FOXP1: variants seen among roughly 807,000 people sequenced by gnomAD.
FOXP1 encodes the protein forkhead box protein P1.
Under a neutral mutation model 98.2 loss-of-function variants are expected in FOXP1, and 15 were observed. That is an observed-to-expected ratio of 0.15 (90% CI 0.10 to 0.24). The LOEUF (loss-of-function observed/expected upper bound fraction) is 0.24. FOXP1 is among the 10% of genes least tolerant of loss of function. The probability of loss-of-function intolerance (pLI) is 1.00; values close to 1 mark genes in which losing one functional copy is unlikely to be tolerated. For synonymous variants in FOXP1, 371 were observed against 314.5 expected (o/e 1.18, Z -1.90); for missense variants, 633 against 848.5 (o/e 0.75, Z 3.15).
In FOXP1 at chr3:71,336,508, TG is replaced by T. The variant is rs1005584612; in HGVS notation, c.-73+22641del. ...GTTCGATAAAAACATGAAAATTTAA[TG>T]GTTACTTTCAGAAAAGGAGAGCGAG... On this transcript the variant is annotated intron_variant, in intron 4 of 20. Coordinates refer to ENST00000649528, the MANE Select transcript of FOXP1 (RefSeq NM_001349338.3). 6.7e-4 allele frequency among the ~76,000 whole-genome samples: 102 copies of T among 152,236 alleles called. 1 individual carries two copies. Among genetic ancestry groups the T allele is most frequent in the Middle Eastern group, 3.4e-3 (1 of 294 alleles).
At chr3:71,466,954 G>A (rs34956723) in intron 3 of FOXP1, among the ~76,000 whole-genome samples, 53,035 of 152,024 alleles carry the variant, frequency 0.35, 9,702 homozygotes, top group Non-Finnish European at 0.38. Flanking sequence ...TAGCTTCAAT[G>A]GGAAAACTCA....
chr3:71,016,968 C>T (rs2044589166), intron 11 of FOXP1, among the ~76,000 whole-genome samples: 1 of 151,314 alleles, frequency 6.6e-6, no homozygotes, highest in Non-Finnish European at 1.5e-5. Context: ...AAGATAATAA[C>T]AAGCTATTTT....
chr3:71,275,423 T>A (rs1237876768), intron 5 of FOXP1, among the ~76,000 whole-genome samples: 1 of 152,224 alleles, frequency 6.6e-6, no homozygotes, highest in African/African-American at 2.4e-5. Flanking sequence ...TAACAGTCGC[T>A]TTTCCTTACT....
chr3:71,218,949 T>C (rs1184992047), intron 5 of FOXP1, among the ~76,000 whole-genome samples: 1 of 152,224 alleles, frequency 6.6e-6, no homozygotes, highest in Non-Finnish European at 1.5e-5. Flanking sequence ...TCCACTTTGA[T>C]GTCCTAAAAG....
At chr3:71,529,597 G>A (rs533785261) in intron 2 of FOXP1, among the ~76,000 whole-genome samples, 1 of 152,130 alleles carries the variant, frequency 6.6e-6, no homozygotes, top group East Asian at 1.9e-4. Context: ...TCCAGAGAGG[G>A]GAGAGGGACT....
chr3:71,499,145 G>T (rs1188030435), intron 2 of FOXP1, among the ~76,000 whole-genome samples: 2 of 152,170 alleles, frequency 1.3e-5, no homozygotes. Context: ...ATCTCAGGAC[G>T]CCACAGAAGA....
intron 6 of FOXP1, among the ~76,000 whole-genome samples, chr3:71,192,703 G>A (rs531212091): frequency 2.4e-4 from 37 of 152,232 alleles, no homozygotes; most frequent in Non-Finnish European, 3.2e-4. Flanking sequence ...AGGCTGGAGT[G>A]CAGTGGCAAG....
intron 4 of FOXP1, among the ~76,000 whole-genome samples, chr3:71,311,057 T>C (rs2074648068): frequency 6.6e-6 from 1 of 152,154 alleles, no homozygotes; most frequent in South Asian, 2.1e-4. Flanking sequence ...CTGATTTGCA[T>C]CCCCCTCCCA....
intron 3 of FOXP1, among the ~76,000 whole-genome samples, chr3:71,412,655 G>A (rs1560448863): frequency 6.6e-6 from 1 of 152,100 alleles, no homozygotes; most frequent in Non-Finnish European, 1.5e-5. Context: ...AGAAATAAAA[G>A]ATATAGAAAG....
intron 2 of FOXP1, among the ~76,000 whole-genome samples, chr3:71,565,724 T>C (rs976554711): frequency 1.3e-5 from 2 of 152,208 alleles, no homozygotes; most frequent in African/African-American, 4.8e-5. Flanking sequence ...AATAAAAGGT[T>C]GAAGCAGATG....
At chr3:71,155,035 G>A (rs990130244) in intron 6 of FOXP1, among the ~76,000 whole-genome samples, 1 of 152,178 alleles carries the variant, frequency 6.6e-6, no homozygotes, top group African/African-American at 2.4e-5. Flanking sequence ...AGGTCAGAGG[G>A]ATATTATTTC....
intron 5 of FOXP1, among the ~76,000 whole-genome samples, chr3:71,206,819 C>T (rs2064072891): frequency 6.6e-6 from 1 of 152,278 alleles, no homozygotes; most frequent in African/African-American, 2.4e-5. Context: ...CTTTTCAGCT[C>T]TGGTGGGTCT....
intron 5 of FOXP1, among the ~76,000 whole-genome samples, chr3:71,246,903 A>T (rs939546331): frequency 3.9e-5 from 6 of 152,230 alleles, no homozygotes; most frequent in Non-Finnish European, 1.5e-5. Flanking sequence ...TAGCCATTTC[A>T]TCGAGCAATG....
chr3:71,296,527 C>G (rs748261253), intron 5 of FOXP1: 6 of 151,982 alleles, frequency 3.9e-5, no homozygotes, highest in Non-Finnish European at 7.4e-5. Flanking sequence ...ACATTTATTA[C>G]TTAAGTCTAT....
chr3:71,038,181 G>T (rs1279407350), intron 11 of FOXP1, among the ~76,000 whole-genome samples: 1 of 152,172 alleles, frequency 6.6e-6, no homozygotes, highest in Non-Finnish European at 1.5e-5. Context: ...CAACTCAGTT[G>T]AGATCATTAG....
At chr3:70,997,126 A>T (rs1049310848) in intron 13 of FOXP1, among the ~76,000 whole-genome samples, 1 of 152,174 alleles carries the variant, frequency 6.6e-6, no homozygotes, top group Non-Finnish European at 1.5e-5. Context: ...AATCCCCTCT[A>T]AAGGAGGTGA....
chr3:71,477,522 G>A (rs529714558), intron 3 of FOXP1, among the ~76,000 whole-genome samples: 4 of 152,166 alleles, frequency 2.6e-5, no homozygotes, highest in African/African-American at 9.6e-5. Context: ...TAAAATTTTT[G>A]ATTCAAATAA....
Position 70,955,571 on chromosome 3 carries a change from T to TG in FOXP1, c.*3675_*3676insC. On this transcript the variant is annotated 3_prime_UTR_variant, in exon 21 of 21. Transcript: ENST00000649528. ...CTTTACATCTTGGCACCTTGTAAAGTTTTTTTTTTTTTATACAAAAGTTCA... is the reference window on the plus strand; with the variant it reads ...CTTTACATCTTGGCACCTTGTAAAGTGTTTTTTTTTTTTATACAAAAGTTCA... The TG allele has an allele frequency of 6.7e-6, 1 of 150,134 alleles. No homozygotes were observed. Among genetic ancestry groups the TG allele is most frequent in the East Asian group, 1.0e-4 (1 of 9,732 alleles). The allele number at this position is 150,134 out of a possible 1,614,324, so 9.3% of individuals were successfully genotyped here.
At chr3:70,992,575 C>T (rs1187764132) in intron 13 of FOXP1, among the ~76,000 whole-genome samples, 1 of 152,176 alleles carries the variant, frequency 6.6e-6, no homozygotes, top group Non-Finnish European at 1.5e-5. Flanking sequence ...AGTTCTTTCA[C>T]ACCAACTACC....
Sources: allele counts gnomAD v4.1 joint callset (sites outside exome capture counted in the v4.1 genomes callset), GRCh38; gene constraint gnomAD v4.1.1; transcripts MANE v1.5; gene names NCBI Gene and HGNC (gene_info 2026-07-23, HGNC 2026-07-21).